AKAP6: variants seen among roughly 807,000 people sequenced by gnomAD.
The protein encoded by AKAP6 is A-kinase anchor protein 6.
In AKAP6, 58 loss-of-function variants were observed where a neutral mutation model predicts 188.5. That is an observed-to-expected ratio of 0.31 (90% CI 0.25 to 0.38). The LOEUF is 0.38. Among genes scored for constraint, AKAP6 ranks in the 10% least tolerant of loss-of-function variants. AKAP6 has a pLI of 1.00. For synonymous variants in AKAP6, 989 were observed against 998.6 expected (o/e 0.99, Z 0.18); for missense variants, 2,710 against 2,740.0 (o/e 0.99, Z 0.24).
intron 1 of AKAP6, among the ~76,000 whole-genome samples, chr14:32,401,412 G>GT (rs898448254): frequency 3.9e-5 from 6 of 152,080 alleles, no homozygotes; most frequent in African/African-American, 1.4e-4. Flanking sequence ...TTCAAATTAT[G>GT]TTTTTTTATT....
chr14:32,757,737 A>G (rs1001780828), intron 11 of AKAP6, among the ~76,000 whole-genome samples: 1 of 152,238 alleles, frequency 6.6e-6, no homozygotes, highest in Non-Finnish European at 1.5e-5. Flanking sequence ...AGATACAGAC[A>G]GTGAAACATG....
intron 7 of AKAP6, among the ~76,000 whole-genome samples, chr14:32,652,784 G>T (rs1404648768): frequency 6.6e-6 from 1 of 152,162 alleles, no homozygotes; most frequent in African/African-American, 2.4e-5. Flanking sequence ...GTGGTGCAGT[G>T]GCTCATGCGT....
At chr14:32,371,731 A>G (rs1315087939) in intron 1 of AKAP6, among the ~76,000 whole-genome samples, 1 of 152,162 alleles carries the variant, frequency 6.6e-6, no homozygotes, top group East Asian at 1.9e-4. Flanking sequence ...TTGAAGAATG[A>G]TCTCATAAGA....
intron 1 of AKAP6, among the ~76,000 whole-genome samples, chr14:32,347,316 C>A (rs181347136): frequency 1.3e-5 from 2 of 152,128 alleles, no homozygotes; most frequent in Non-Finnish European, 2.9e-5. Flanking sequence ...GTCTTGAATA[C>A]GTTTAATTTC....
At position 32,824,531 on chromosome 14, in the gene AKAP6, G is replaced by A. The variant is rs1221923031; in HGVS notation, c.6718G>A (p.Glu2240Lys). The A allele has an allele frequency of 6.2e-7, 1 of 1,613,932 alleles. No homozygotes were observed. The highest frequency in any genetic ancestry group is 1.3e-5 in the African/African-American group (1 of 75,040). ...GLPQTSSGCA[E>K]NLEFTPSKLD... ...GCCCCAAACTTCCAGTGGCTGTGCAGAAAACTTAGAGTTTACTCCTTCAAA... is the reference window on the plus strand; with the variant it reads ...GCCCCAAACTTCCAGTGGCTGTGCAAAAAACTTAGAGTTTACTCCTTCAAA... Residue 2240 changes from glutamate to lysine, a missense_variant, in exon 13 of 14, where the codon GAA (glutamate) becomes AAA (lysine). Physicochemically the swap from Glu to Lys is moderately conservative, Grantham distance 56 (BLOSUM62 1). This residue lies in a region of AKAP6 where 2,473 missense variants were observed against 2,426.1 expected (regional missense o/e 1.02). Coordinates refer to ENST00000280979, the MANE Select transcript of AKAP6 (RefSeq NM_004274.5).
chr14:32,806,928 C>CT (rs1312739769), intron 12 of AKAP6, among the ~76,000 whole-genome samples: 1 of 150,876 alleles, frequency 6.6e-6, no homozygotes, highest in Non-Finnish European at 1.5e-5. Context: ...GTGGCTCACA[C>CT]TTGTAGTCCC....
intron 8 of AKAP6, among the ~76,000 whole-genome samples, chr14:32,681,912 A>G (rs1170422979): frequency 6.6e-6 from 1 of 152,114 alleles, no homozygotes; most frequent in Non-Finnish European, 1.5e-5. Flanking sequence ...CAAACATTTT[A>G]AAGTACCTTC....
chr14:32,477,733 T>C (rs1488452903), intron 2 of AKAP6, among the ~76,000 whole-genome samples: 1 of 152,200 alleles, frequency 6.6e-6, no homozygotes, highest in Non-Finnish European at 1.5e-5. Context: ...GCAATCTTGC[T>C]ACAGCTGAGA....
At chr14:32,585,007 G>A (rs746668612) in intron 5 of AKAP6, among the ~76,000 whole-genome samples, 3 of 148,298 alleles carry the variant, frequency 2.0e-5, no homozygotes, top group Non-Finnish European at 4.4e-5. Flanking sequence ...GTGAATAACT[G>A]TCATAAATAG....
intron 11 of AKAP6, among the ~76,000 whole-genome samples, chr14:32,765,823 A>G (rs912415861): frequency 1.3e-5 from 2 of 152,068 alleles, no homozygotes; most frequent in Non-Finnish European, 2.9e-5. Context: ...CATCTGTTGT[A>G]TGACACACCC....
chr14:32,418,460 G>A (rs1028399145), intron 1 of AKAP6, among the ~76,000 whole-genome samples: 6 of 152,148 alleles, frequency 3.9e-5, no homozygotes, highest in African/African-American at 1.4e-4. Context: ...AAAAGCAAAT[G>A]GCTGATGGGT....
At chr14:32,543,337 T>C (rs1345954590) in intron 3 of AKAP6, among the ~76,000 whole-genome samples, 1 of 152,236 alleles carries the variant, frequency 6.6e-6, no homozygotes, top group East Asian at 1.9e-4. Flanking sequence ...TAACATAATG[T>C]CCTTCAAGCT....
chr14:32,773,765 T>G lies in AKAP6; in HGVS notation c.3460T>G (p.Cys1154Gly). The change falls in exon 12 of 14, where the codon TGC (cysteine) becomes GGC (glycine). Residue 1154 changes from cysteine to glycine, a missense_variant. By Grantham distance (159) the Cys-to-Gly change is radical (BLOSUM62 -3). Around this residue, in one of 2 missense-constraint regions of AKAP6, gnomAD observed 2,473 missense variants for 2,426.1 expected, o/e 1.02. Transcript: ENST00000280979. ...CQHLLDDRETCNLNADHQPMQ... is the reference protein window; with the variant it reads ...CQHLLDDRETGNLNADHQPMQ... Reference sequence around the variant, plus strand: ...GCATCTTTTGGATGACCGGGAGACTTGCAATCTGAATGCAGACCACCAGCC... The same window carrying G: ...GCATCTTTTGGATGACCGGGAGACTGGCAATCTGAATGCAGACCACCAGCC... 2.5e-6 allele frequency: 4 copies of G among 1,614,104 alleles called. No individual in the cohort carries two copies. The highest frequency in any genetic ancestry group is 2.5e-6 in the Non-Finnish European group (3 of 1,179,988).
intron 11 of AKAP6, among the ~76,000 whole-genome samples, chr14:32,736,245 A>G (rs572252254): frequency 3.9e-5 from 6 of 152,314 alleles, no homozygotes; most frequent in African/African-American, 1.2e-4. Flanking sequence ...TACTTACACA[A>G]ATTGATATGA....
chr14:32,445,751 A>G (rs1890734326), intron 2 of AKAP6, among the ~76,000 whole-genome samples: 1 of 150,644 alleles, frequency 6.6e-6, no homozygotes, highest in Non-Finnish European at 1.5e-5. Flanking sequence ...AGATATTACT[A>G]CTCCAGCTGT....
In AKAP6 at chr14:32,357,873, T is replaced by G. The variant is rs564293754; in HGVS notation, c.-35+28465T>G. ...AATGCACAATCTGCATTGTAGCATA[T>G]ATGGCTGCCTTAGCCAGGGGATGAG... On this transcript the variant is annotated intron_variant, in intron 1 of 13. Coordinates refer to ENST00000280979, the MANE Select transcript of AKAP6 (RefSeq NM_004274.5). 2.0e-4 allele frequency among the ~76,000 whole-genome samples: 30 copies of G among 152,378 alleles called. 1 individual carries two copies. The highest frequency in any genetic ancestry group is 1.2e-3 in the Admixed American group (19 of 15,308).
At chr14:32,633,403 A>G (rs1432671837) in intron 7 of AKAP6, among the ~76,000 whole-genome samples, 1 of 152,036 alleles carries the variant, frequency 6.6e-6, no homozygotes, top group African/African-American at 2.4e-5. Flanking sequence ...GGTAGATTGC[A>G]TTGTTGTTCC....
At chr14:32,554,615 A>G (rs1308176243) in intron 4 of AKAP6, among the ~76,000 whole-genome samples, 1 of 152,226 alleles carries the variant, frequency 6.6e-6, no homozygotes, top group Non-Finnish European at 1.5e-5. Context: ...AAATCGATTT[A>G]TGAAGCCCAC....
intron 5 of AKAP6, among the ~76,000 whole-genome samples, chr14:32,591,471 C>CAA (rs71432067): frequency 0.26 from 33,099 of 128,186 alleles, 4,971 homozygotes; most frequent in South Asian, 0.38. Context: ...TACTTTGCAC[C>CAA]AAAAAAAAAA....
Sources: gnomAD v4.1 joint callset for allele counts (sites outside exome capture counted in the v4.1 genomes callset) on GRCh38, gnomAD v4.1.1 for gene constraint, gnomAD v4.1.1 regional missense constraint, MANE v1.5 for transcripts, NCBI Gene and HGNC (gene_info 2026-07-23, HGNC 2026-07-21) for gene names.